AGBL1: variants seen among roughly 807,000 people sequenced by gnomAD.
The protein encoded by AGBL1 is AGBL carboxypeptidase 1.
In AGBL1, 130 loss-of-function variants were observed where a neutral mutation model predicts 118.9. That is an observed-to-expected ratio of 1.09 (90% confidence interval 0.95 to 1.26). The LOEUF (loss-of-function observed/expected upper bound fraction) is 1.26, where lower values mean the gene tolerates loss of function less well. AGBL1 is among the 50% of genes most tolerant of loss of function. AGBL1 has a pLI of 0.00. For synonymous variants in AGBL1, 555 were observed against 478.9 expected (o/e 1.16, Z -2.08); for missense variants, 1,584 against 1,298.1 (o/e 1.22, Z -3.38).
At chr15:86,126,733 G>A (rs779407565) in intron 1 of AGBL1, among the ~76,000 whole-genome samples, 1 of 152,160 alleles carries the variant, frequency 6.6e-6, no homozygotes, top group Non-Finnish European at 1.5e-5. Flanking sequence ...AAGACCTAGG[G>A]CATAGGGAAA....
Position 86,186,116 on chromosome 15 carries a change from A to G in AGBL1, c.488+27090A>G, listed in dbSNP as rs114627073. ...GAGAAGGTGTATTTGCTGTCCCCCA[A>G]AATGGGTTTGAAAATATCACGCGTT... On this transcript the variant is annotated intron_variant, in intron 5 of 22. Coordinates refer to ENST00000614907, the MANE Select transcript of AGBL1 (RefSeq NM_001386094.1). 3.6e-3 allele frequency among the ~76,000 whole-genome samples: 552 copies of G among 152,270 alleles called. 3 individuals are homozygous for G. Among genetic ancestry groups the G allele is most frequent in the African/African-American group, 0.013 (522 of 41,538 alleles).
At chr15:86,105,782 A>G (rs942910873) in intron 1 of AGBL1, among the ~76,000 whole-genome samples, 10 of 152,228 alleles carry the variant, frequency 6.6e-5, no homozygotes, top group East Asian at 3.8e-4. Flanking sequence ...GGCCAACCCA[A>G]TCACAGTTCT....
chr15:86,917,493 C>T (rs752526734), downstream of AGBL1, among the ~76,000 whole-genome samples: 9 of 152,152 alleles, frequency 5.9e-5, no homozygotes, highest in South Asian at 2.1e-4. This position sits in a 1 kb window ranked among gnomAD's most constrained non-coding sequence, Gnocchi z 4.8. Flanking sequence ...CTGAATGTTC[C>T]GGCCACTGTA....
rs1369380380 is a variant in AGBL1, at chr15:86,702,827, TC to T, written c.3158+28393del. Among the ~76,000 whole-genome samples the T allele has an allele frequency of 2.0e-5, 3 of 150,762 alleles. No individual in the cohort carries two copies. In the East Asian group the frequency reaches 6.0e-4, roughly 30 times the overall value. On this transcript the variant is annotated intron_variant, in intron 22 of 22. Coordinates refer to ENST00000614907, the MANE Select transcript of AGBL1 (RefSeq NM_001386094.1). The stretch of plus-strand genomic sequence containing the variant: ...GAGTTTCTTAGCTTCCCTTTTTTTT[TC>T]CTTGCCCAGTCTCCTGGGGTAATTA...
intron 23 of AGBL1, among the ~76,000 whole-genome samples, chr15:86,940,216 T>C (rs192466508): frequency 6.6e-6 from 1 of 152,102 alleles, no homozygotes; most frequent in Non-Finnish European, 1.5e-5. Flanking sequence ...GCACTGTTTC[T>C]AATGGAGCCC....
At chr15:86,873,938 C>T (rs1369007987) in intron 22 of AGBL1, among the ~76,000 whole-genome samples, 3 of 152,126 alleles carry the variant, frequency 2.0e-5, no homozygotes, top group Non-Finnish European at 4.4e-5. Flanking sequence ...GAACAGTGGA[C>T]TTGGAGGCAA....
rs2077161794 is a variant in AGBL1, at chr15:86,154,512, C to A, written c.345C>A (p.Gly115=). ...LILARKNLSH[G]QNLLHCLWAL... ...TGGCCAGGAAGAACCTATCCCATGG[C>A]CAGAATCTCCTCCACTGTCTCTGGG... The change falls in exon 4 of 23, where the codon GGC becomes GGA. Residue 115 remains glycine, a synonymous_variant. Coordinates refer to ENST00000614907, the MANE Select transcript of AGBL1 (RefSeq NM_001386094.1). 1 of 1,613,082 alleles carries A rather than the reference C, an allele frequency of 6.2e-7. No homozygotes were observed. Among genetic ancestry groups the A allele is most frequent in the Non-Finnish European group, 8.5e-7 (1 of 1,179,562 alleles).
intron 21 of AGBL1, among the ~76,000 whole-genome samples, chr15:86,655,055 T>C (rs2142503571): frequency 6.6e-6 from 1 of 152,248 alleles, no homozygotes; most frequent in East Asian, 1.9e-4. Context: ...AGGTGATGCA[T>C]CTGTTTATAA....
intron 18 of AGBL1, among the ~76,000 whole-genome samples, chr15:86,416,480 A>G (rs1263198110): frequency 6.6e-6 from 1 of 152,172 alleles, no homozygotes. Context: ...CATTTGTGAT[A>G]GTAACTGTGG....
chr15:86,817,662 C>G (rs1332325753), intron 22 of AGBL1, among the ~76,000 whole-genome samples: 1 of 151,534 alleles, frequency 6.6e-6, no homozygotes, highest in African/African-American at 2.4e-5. Flanking sequence ...CACACACACA[C>G]ACACAGAAAG....
At chr15:86,965,477 GGTTT>G (rs2081040517) in intron 23 of AGBL1, among the ~76,000 whole-genome samples, 1 of 151,548 alleles carries the variant, frequency 6.6e-6, no homozygotes. Flanking sequence ...CTTTTTGATG[GGTTT>G]GTTTTTTTCT....
At chr15:86,298,883 TAA>T (rs988789161) in intron 17 of AGBL1, among the ~76,000 whole-genome samples, 2 of 152,232 alleles carry the variant, frequency 1.3e-5, no homozygotes, top group African/African-American at 4.8e-5. Flanking sequence ...TGATCTGGTC[TAA>T]AGTCCTGGAC....
chr15:86,643,387 A>C (rs1167509899), intron 21 of AGBL1, among the ~76,000 whole-genome samples: 3 of 152,084 alleles, frequency 2.0e-5, no homozygotes, highest in African/African-American at 7.2e-5. Flanking sequence ...TTCTACTTGC[A>C]ATTCTCCTAT....
At chr15:86,687,285 A>G (rs1214682928) in intron 22 of AGBL1, among the ~76,000 whole-genome samples, 4 of 152,094 alleles carry the variant, frequency 2.6e-5, no homozygotes, top group Non-Finnish European at 5.9e-5. Flanking sequence ...CTGTCTGCAA[A>G]GTCGGCTGGA....
chr15:86,413,355 C>T (rs899478665), intron 18 of AGBL1, among the ~76,000 whole-genome samples: 4 of 152,134 alleles, frequency 2.6e-5, no homozygotes, highest in African/African-American at 9.7e-5. Flanking sequence ...AATATTATGA[C>T]ATTTGGGAAT....
intron 7 of AGBL1, among the ~76,000 whole-genome samples, chr15:86,254,493 C>T (rs34429312): frequency 0.12 from 17,669 of 152,188 alleles, 1,346 homozygotes; most frequent in Middle Eastern, 0.16. Context: ...GTATTTATTA[C>T]GCCAAAGCGA....
intron 7 of AGBL1, among the ~76,000 whole-genome samples, chr15:86,252,595 C>A (rs977518485): frequency 6.6e-6 from 1 of 152,160 alleles, no homozygotes; most frequent in Non-Finnish European, 1.5e-5. Flanking sequence ...TGTAACCATG[C>A]AGAGGAGGCC....
At chr15:86,984,176 G>A (rs2081257636) in intron 23 of AGBL1, among the ~76,000 whole-genome samples, 2 of 152,102 alleles carry the variant, frequency 1.3e-5, no homozygotes, top group South Asian at 4.2e-4. Flanking sequence ...ATATTCATTA[G>A]GTAGGCTTAG....
At chr15:86,399,231 T>G (rs1312448259) in intron 18 of AGBL1, among the ~76,000 whole-genome samples, 3 of 152,166 alleles carry the variant, frequency 2.0e-5, no homozygotes, top group African/African-American at 7.2e-5. Flanking sequence ...AGCCGACTCT[T>G]GCTATGTGTT....
Sources: gnomAD v4.1 joint callset for allele counts (sites outside exome capture counted in the v4.1 genomes callset) on GRCh38, gnomAD v4.1.1 for gene constraint, Gnocchi (gnomAD v3.1) non-coding constraint, MANE v1.5 for transcripts, NCBI Gene and HGNC (gene_info 2026-07-23, HGNC 2026-07-21) for gene names.